C4orf50: variants seen among roughly 807,000 people sequenced by gnomAD.
C4orf50 encodes the protein chromosome 4 open reading frame 50, also known as uncharacterized protein C4orf50.
Under a neutral mutation model 77.2 loss-of-function variants are expected in C4orf50, and 80 were observed. That is an observed-to-expected ratio of 1.04 (90% CI 0.87 to 1.25). The LOEUF (loss-of-function observed/expected upper bound fraction) is 1.25, where lower values mean the gene tolerates loss of function less well. C4orf50 is among the 50% of genes most tolerant of loss of function. C4orf50 has a pLI of 0.00. For synonymous variants in C4orf50, 532 were observed against 465.3 expected (o/e 1.14, Z -1.84); for missense variants, 1,257 against 1,152.9 (o/e 1.09, Z -1.31).
At chr4:5,972,206 T>C (rs1296763258) in intron 31 of C4orf50, among the ~76,000 whole-genome samples, 2 of 152,046 alleles carry the variant, frequency 1.3e-5, no homozygotes, top group Non-Finnish European at 2.9e-5. Context: ...GGTTTCACCA[T>C]GTTGGCCAGC....
intron 7 of C4orf50, among the ~76,000 whole-genome samples, chr4:5,949,644 A>G (rs1455707444): frequency 1.3e-5 from 2 of 152,206 alleles, no homozygotes; most frequent in African/African-American, 4.8e-5. Context: ...ATAACAATGT[A>G]AATAAATGTA....
rs138352564 is a variant in C4orf50, at chr4:5,992,820, C to T, written c.1204G>A (p.Gly402Arg). ...GGCCTCACCTGTTCACGGTTGGATC[C>T]GGCCAGGTCTCTGGGGAGCTCGCTT... Residue 402 changes from glycine (G) to arginine (R), a missense_variant, in exon 27 of 34, where the codon GGA (glycine) becomes AGA (arginine). By Grantham distance (125) the Gly-to-Arg change is moderately radical (BLOSUM62 -2). Coordinates refer to ENST00000531445, the Ensembl canonical transcript of C4orf50. This position sits in a 1 kb window ranked among gnomAD's most constrained non-coding sequence, Gnocchi z 5.0. 7 of 399,100 alleles carry T rather than the reference C, an allele frequency of 1.8e-5. No individual in the cohort carries two copies. The highest frequency in any genetic ancestry group is 4.1e-5 in the African/African-American group (2 of 48,760). The allele number at this position is 399,100 out of a possible 1,614,324, so 24.7% of individuals were successfully genotyped here.
intron 26 of C4orf50, among the ~76,000 whole-genome samples, chr4:5,993,986 G>A (rs1721437709): frequency 6.6e-6 from 1 of 152,174 alleles, no homozygotes; most frequent in South Asian, 2.1e-4. Context: ...CTGGGAAGTG[G>A]GGGGACAGGA....
chr4:5,903,906 A>G (rs1716438887), intron 7 of C4orf50: 1 of 152,178 alleles, frequency 6.6e-6, no homozygotes, highest in Admixed American at 6.5e-5. Flanking sequence ...AACATGATAC[A>G]TTTGTGGGCC....
At chr4:5,934,099 C>A (rs1040201829) in intron 7 of C4orf50, among the ~76,000 whole-genome samples, 3 of 151,932 alleles carry the variant, frequency 2.0e-5, no homozygotes, top group Admixed American at 6.5e-5. Context: ...TCCAACACAG[C>A]CCCTGGCAAT....
chr4:5,979,278 A>T (rs1720443127), intron 29 of C4orf50, among the ~76,000 whole-genome samples: 1 of 152,252 alleles, frequency 6.6e-6, no homozygotes, highest in African/African-American at 2.4e-5. Flanking sequence ...AAAGAAATGG[A>T]AACAACTTGA....
intron 28 of C4orf50, 130 bp from the exon 7 acceptor site, chr4:5,980,468 TTC>T: frequency 1.3e-6 from 1 of 781,434 alleles, no homozygotes; most frequent in Non-Finnish European, 2.0e-6. Flanking sequence ...CTGCTTATAT[TTC>T]TCTTACAGTA....
intron 7 of C4orf50, among the ~76,000 whole-genome samples, chr4:5,928,843 A>G (rs775736902): frequency 5.9e-5 from 9 of 152,238 alleles, no homozygotes; most frequent in Non-Finnish European, 8.8e-5. Flanking sequence ...TGAAAGAGAT[A>G]AAAACAAAAA....
At chr4:5,988,380 C>G (rs775570060) in exon 28 of C4orf50, 1 of 1,613,944 alleles carries the variant, frequency 6.2e-7, no homozygotes, top group East Asian at 2.2e-5. Flanking sequence ...TCAGAGCTTG[C>G]CCCTGAGCCA....
downstream of C4orf50, among the ~76,000 whole-genome samples, chr4:5,953,041 T>C (rs1021534742): frequency 6.6e-6 from 1 of 152,244 alleles, no homozygotes; most frequent in African/African-American, 2.4e-5. Flanking sequence ...TCTTGACCCC[T>C]GTCCTGCATG....
At chr4:5,931,755 T>C (rs1717778178) in intron 7 of C4orf50, among the ~76,000 whole-genome samples, 1 of 152,028 alleles carries the variant, frequency 6.6e-6, no homozygotes, top group Admixed American at 6.6e-5. Flanking sequence ...GAGCCTAAGG[T>C]TTGCACACCC....
intron 30 of C4orf50, 132 bp from the exon 9 acceptor site, chr4:5,973,973 G>A: frequency 1.4e-6 from 1 of 723,766 alleles, no homozygotes; most frequent in South Asian, 2.0e-5. Flanking sequence ...CAGCGGAGCA[G>A]CCTCCTCCCT....
intron 7 of C4orf50, among the ~76,000 whole-genome samples, chr4:5,921,091 G>A (rs1306151695): frequency 1.3e-5 from 2 of 152,208 alleles, no homozygotes; most frequent in Non-Finnish European, 2.9e-5. Context: ...AGCTGGTCCA[G>A]GAAGAGCCAG....
intron 25 of C4orf50, among the ~76,000 whole-genome samples, chr4:6,004,332 G>A (rs1321915410): frequency 3.3e-5 from 4 of 119,788 alleles, no homozygotes; most frequent in East Asian, 3.6e-4. Flanking sequence ...TAATGGTGAT[G>A]ATGGTGATGG....
At chr4:5,899,371 A>G (rs1716252024) in intron 7 of C4orf50, 1 of 152,230 alleles carries the variant, frequency 6.6e-6, no homozygotes, top group Non-Finnish European at 1.5e-5. Context: ...TTTACCACCC[A>G]ATTATATTAT....
chr4:5,902,823 T>G (rs764144566), intron 7 of C4orf50: 8 of 152,070 alleles, frequency 5.3e-5, no homozygotes, highest in Non-Finnish European at 1.0e-4. Context: ...CCCATTTTCC[T>G]CCAAAGAGGA....
intron 33 of C4orf50, 33 bp downstream of exon 11, chr4:5,964,991 A>G: frequency 6.3e-7 from 1 of 1,599,696 alleles, no homozygotes; most frequent in Non-Finnish European, 8.5e-7. Context: ...AACAAAGTTC[A>G]TTTAGGAAAT....
At chr4:6,004,777 C>CGATGGT (rs757431227) in intron 25 of C4orf50, among the ~76,000 whole-genome samples, 1,531 of 100,716 alleles carry the variant, frequency 0.015, 15 homozygotes, top group Middle Eastern at 0.029. Flanking sequence ...GTGATGACGG[C>CGATGGT]GATGGTGATG....
intron 7 of C4orf50, among the ~76,000 whole-genome samples, chr4:5,918,453 TC>T (rs1341907949): frequency 6.6e-6 from 1 of 152,186 alleles, no homozygotes; most frequent in African/African-American, 2.4e-5. Context: ...CCCAATGTCC[TC>T]CCACAGTTAA....
Sources: gnomAD v4.1 joint callset for allele counts (sites outside exome capture counted in the v4.1 genomes callset) on GRCh38, gnomAD v4.1.1 for gene constraint, Gnocchi (gnomAD v3.1) non-coding constraint, MANE v1.5 for transcripts, NCBI Gene and HGNC (gene_info 2026-07-23, HGNC 2026-07-21) for gene names.